FAM184A: variants seen among roughly 807,000 people sequenced by gnomAD.
FAM184A encodes the protein protein FAM184A.
FAM184A carries 99 observed loss-of-function variants against 143.8 expected under a neutral mutation model. The observed-to-expected ratio is 0.69, with a 90% confidence interval of 0.58 to 0.81. The LOEUF (loss-of-function observed/expected upper bound fraction) is 0.81. FAM184A is among the 40% of genes least tolerant of loss of function. The pLI is 0.00. For synonymous variants in FAM184A, 427 were observed against 446.4 expected, an observed-to-expected ratio of 0.96 and a Z score of 0.55; for missense variants, 1,217 against 1,310.5, an observed-to-expected ratio of 0.93 and a Z score of 1.10.
chr6:119,045,982 CTAAAG>C (rs1489706414), intron 1 of FAM184A, among the ~76,000 whole-genome samples: 3 of 152,030 alleles, frequency 2.0e-5, no homozygotes, highest in Non-Finnish European at 2.9e-5. Flanking sequence ...TCCCTGATTA[CTAAAG>C]TAATCACTAT....
chr6:119,068,720 A>G (rs1787562298), intron 1 of FAM184A, among the ~76,000 whole-genome samples: 2 of 152,060 alleles, frequency 1.3e-5, no homozygotes, highest in Admixed American at 6.6e-5. Context: ...ACACAAACAC[A>G]TTAACTCCGG....
At position 118,959,911 on chromosome 6, in the gene FAM184A, TAC is replaced by T. The variant is rs1783264489; in HGVS notation, c.*190_*191del. 2 of 378,842 alleles carry T rather than the reference TAC, an allele frequency of 5.3e-6. No homozygotes were observed. The highest frequency in any genetic ancestry group is 4.1e-5 in the African/African-American group (2 of 48,316). The allele number at this position is 378,842 out of a possible 1,614,324, so 23.5% of individuals were successfully genotyped here. A position where few individuals can be genotyped will look rare whatever the true frequency, so the allele number is the denominator to read the frequency against. ...CTCAAATAAAAATAACAGTTATAAT[TAC>T]ACACATAATATAGTACCTTATAGAA... On this transcript the variant is annotated 3_prime_UTR_variant, in exon 18 of 18. Transcript: ENST00000338891.
At chr6:119,078,763 C>A (rs1486890924), upstream of FAM184A, 1 of 152,788 alleles carries the variant, frequency 6.5e-6, no homozygotes, top group Admixed American at 6.6e-5. This position sits in a 1 kb window ranked among gnomAD's most constrained non-coding sequence, Gnocchi z 5.5. Flanking sequence ...GCGGGGACGG[C>A]GACGTCATTT....
chr6:119,028,490 C>G (rs1335633574), intron 1 of FAM184A, among the ~76,000 whole-genome samples: 2 of 152,072 alleles, frequency 1.3e-5, no homozygotes, highest in Non-Finnish European at 2.9e-5. Flanking sequence ...AGTTGATCAC[C>G]AACAACCAAT....
intron 9 of FAM184A, among the ~76,000 whole-genome samples, chr6:118,997,634 T>G (rs149354169): frequency 4.3e-4 from 65 of 151,924 alleles, no homozygotes; most frequent in African/African-American, 1.5e-3. Flanking sequence ...GTTGCAGTGA[T>G]ACAGTGGGCT....
At chr6:119,016,049 A>G (rs1311478627) in intron 5 of FAM184A, among the ~76,000 whole-genome samples, 1 of 152,068 alleles carries the variant, frequency 6.6e-6, no homozygotes, top group African/African-American at 2.4e-5. Flanking sequence ...GAGTGCACCA[A>G]TTGACACTCT....
At chr6:118,976,805 A>G (rs1433752895) in intron 11 of FAM184A, among the ~76,000 whole-genome samples, 1 of 152,182 alleles carries the variant, frequency 6.6e-6, no homozygotes, top group African/African-American at 2.4e-5. Flanking sequence ...ATATTGAAAA[A>G]TGTTCAATAT....
intron 1 of FAM184A, among the ~76,000 whole-genome samples, chr6:119,057,459 CT>C (rs1787025814): frequency 6.6e-6 from 1 of 152,180 alleles, no homozygotes; most frequent in South Asian, 2.1e-4. Flanking sequence ...GCAAAGAAGG[CT>C]GGGCGCAGTG....
chr6:118,980,075 T>C, intron 10 of FAM184A, 63 bp downstream of exon 10: 1 of 1,461,198 alleles, frequency 6.8e-7, no homozygotes, highest in Middle Eastern at 2.3e-4. Context: ...ATTTTTTTAA[T>C]TTGAAGACTA....
At chr6:119,123,608 A>G (rs1026960346) in intron 1 of FAM184A, among the ~76,000 whole-genome samples, 4 of 152,110 alleles carry the variant, frequency 2.6e-5, no homozygotes, top group African/African-American at 9.7e-5. Context: ...CAAGGAAGGG[A>G]GTCTGACCCC....
intron 9 of FAM184A, among the ~76,000 whole-genome samples, chr6:118,993,817 T>A (rs1436357742): frequency 6.6e-6 from 1 of 152,218 alleles, no homozygotes; most frequent in Non-Finnish European, 1.5e-5. Flanking sequence ...TAATCTATTC[T>A]CCACACTGCA....
chr6:119,018,578 G>A (rs1317105359), intron 4 of FAM184A, among the ~76,000 whole-genome samples: 1 of 152,182 alleles, frequency 6.6e-6, no homozygotes, highest in East Asian at 1.9e-4. Flanking sequence ...TTTACACCAA[G>A]AACTTTGAAT....
At chr6:119,107,746 C>G (rs1314457581) in intron 1 of FAM184A, among the ~76,000 whole-genome samples, 4 of 149,306 alleles carry the variant, frequency 2.7e-5, no homozygotes, top group Non-Finnish European at 5.9e-5. Context: ...CCACTGCACT[C>G]CAGCCTGGGT....
intron 1 of FAM184A, among the ~76,000 whole-genome samples, chr6:119,077,184 A>C: frequency 6.6e-6 from 1 of 152,200 alleles, no homozygotes; most frequent in Non-Finnish European, 1.5e-5. Flanking sequence ...CAATGGGATT[A>C]TGTGAGAACT....
rs553520111 is a variant in FAM184A at position 119,055,368 on chromosome 6, A to C, written c.159+22773T>G. On this transcript the variant is annotated intron_variant, in intron 1 of 17. Coordinates refer to ENST00000338891, the MANE Select transcript of FAM184A (RefSeq NM_024581.6). ...ATGCTGCTGTGATCGTTTGTATATA[A>C]GTTTTTGTGTGGATGTATGTTTTTA... 3.3e-5 allele frequency among the ~76,000 whole-genome samples: 5 copies of C among 152,234 alleles called. No individual in the cohort carries two copies. The East Asian group carries it at 9.6e-4, about 29-fold the overall frequency.
rs764414845 is a variant in FAM184A, at chr6:119,003,008, T to C, written c.1979A>G (p.His660Arg). The change falls in exon 9 of 18, where the codon CAT (histidine) becomes CGT (arginine). Residue 660 changes from histidine (H) to arginine (R), a missense_variant. Transcript: ENST00000338891. Reference sequence around the variant, plus strand: ...CATTGCTGACTTCTTATCCTCTTCATGTTGAAGCCTTAACTCTTCACGAAG... The same window carrying C: ...CATTGCTGACTTCTTATCCTCTTCACGTTGAAGCCTTAACTCTTCACGAAG... Reference protein sequence around the residue: ...SKLREELRLQHEEDKKSAMSQ... With the variant: ...SKLREELRLQREEDKKSAMSQ... The C allele has an allele frequency of 1.2e-6, 2 of 1,612,510 alleles. No homozygotes were observed. The highest frequency in any genetic ancestry group is 2.2e-5 in the South Asian group (2 of 90,824).
chr6:118,975,206 A>C lies in FAM184A; in HGVS notation c.2586T>G (p.Ser862Arg). The C allele has an allele frequency of 6.6e-7, 1 of 1,518,778 alleles. No individual in the cohort carries two copies. The highest frequency in any genetic ancestry group is 8.8e-7 in the Non-Finnish European group (1 of 1,135,784). 94.1% of individuals were successfully genotyped at this position (1,518,778 alleles called of 1,614,324 possible). Residue 862 changes from serine to arginine, a missense_variant and splice_region_variant, in exon 13 of 18, where the codon AGT becomes AGG. Physicochemically the swap from Ser to Arg is moderately radical, Grantham distance 110 (BLOSUM62 -1). Transcript: ENST00000338891. ...ERSIDISRRQ[S>R]KEHICRITDL... ...CTGTAATTCTACATATGTGCTCCTTACTCTGTTAAAAAAAAAAAGTCATTT... is the reference window on the plus strand; with the variant it reads ...CTGTAATTCTACATATGTGCTCCTTCCTCTGTTAAAAAAAAAAAGTCATTT...
At chr6:118,962,000 C>A (rs1281650360) in intron 16 of FAM184A, 37 bp from the exon 17 acceptor site, 2 of 1,586,324 alleles carry the variant, frequency 1.3e-6, no homozygotes, top group Non-Finnish European at 1.7e-6. Flanking sequence ...ATAGTCCCTG[C>A]ATGAGGACAA....
chr6:119,022,885 T>C lies in FAM184A; in HGVS notation c.1150+60A>G, dbSNP rs1785498143. ...GAGCAAGACTCTGTCTCCAAAAAAA[T>C]AAATAAATAAAGTGTTGATTTTAGC... On this transcript the variant is annotated intron_variant, in intron 3 of 17. Coordinates refer to ENST00000338891, the MANE Select transcript of FAM184A (RefSeq NM_024581.6). 3.8e-6 allele frequency: 6 copies of C among 1,594,880 alleles called. No homozygotes were observed. In the South Asian group the frequency reaches 5.5e-5, roughly 15 times the overall value.
Sources: allele counts gnomAD v4.1 joint callset (sites outside exome capture counted in the v4.1 genomes callset), GRCh38; gene constraint gnomAD v4.1.1; non-coding constraint Gnocchi (gnomAD v3.1); transcripts MANE v1.5; gene names NCBI Gene and HGNC (gene_info 2026-07-23, HGNC 2026-07-21).